CD1B: variants seen among roughly 807,000 people sequenced by gnomAD.
CD1B encodes CD1b molecule.
CD1B carries 43 observed loss-of-function variants against 39.8 expected under a neutral mutation model. The observed-to-expected ratio is 1.08, with a 90% confidence interval of 0.85 to 1.39. The LOEUF (loss-of-function observed/expected upper bound fraction) is 1.39. Among genes scored for constraint, CD1B ranks in the 40% most tolerant of loss-of-function variants. The probability of loss-of-function intolerance (pLI) is 0.00; values close to 1 mark genes in which losing one functional copy is unlikely to be tolerated. For missense variants in CD1B, 495 were observed against 403.8 expected (o/e 1.23, Z -1.94); for synonymous variants, 192 against 152.5 (o/e 1.26, Z -1.91).
downstream of CD1B, among the ~76,000 whole-genome samples, chr1:158,326,949 A>G (rs1652375215): frequency 6.6e-6 from 1 of 152,088 alleles, no homozygotes; most frequent in South Asian, 2.1e-4. Context: ...GCCATGCACC[A>G]CCATGCCCGG....
At chr1:158,321,613 G>C in the CD1B span, among the ~76,000 whole-genome samples, 2 of 152,024 alleles carry the variant, frequency 1.3e-5, no homozygotes, top group Non-Finnish European at 2.9e-5. Flanking sequence ...ATATCCTTTT[G>C]TGGTTAAGTG....
chr1:158,293,335 G>T, the CD1B span: 1 of 1,597,980 alleles, frequency 6.3e-7, no homozygotes, highest in Non-Finnish European at 8.6e-7. Context: ...TCTCCTCCCA[G>T]TTTCTTATTT....
At chr1:158,307,702 C>T in the CD1B span, among the ~76,000 whole-genome samples, 1 of 152,124 alleles carries the variant, frequency 6.6e-6, no homozygotes, top group Non-Finnish European at 1.5e-5. Context: ...ACTGGCAAAC[C>T]GAATTCAGCA....
At chr1:158,296,737 C>T in the CD1B span, among the ~76,000 whole-genome samples, 5 of 152,028 alleles carry the variant, frequency 3.3e-5, no homozygotes, top group South Asian at 4.1e-4. Context: ...GACAAAATAG[C>T]CATTTTAAGA....
At chr1:158,297,622 C>A in the CD1B span, among the ~76,000 whole-genome samples, 2 of 152,112 alleles carry the variant, frequency 1.3e-5, no homozygotes, top group African/African-American at 4.8e-5. Context: ...GAGCTAAACA[C>A]CCCAAGACAC....
In CD1B at chr1:158,329,020, A is replaced by G. The variant is rs780785712; in HGVS notation, c.887-6T>C. The G allele has an allele frequency of 6.2e-7, 1 of 1,608,212 alleles. No individual in the cohort carries two copies. Among genetic ancestry groups the G allele is most frequent in the African/African-American group, 1.3e-5 (1 of 74,654 alleles). ...GCCAATGGAGGTGGGGTTTCCTGGC[A>G]ATTGAGAGAGGACAAAAGGATGTCA... On this transcript the variant is annotated splice_polypyrimidine_tract_variant and splice_region_variant and intron_variant, in intron 4 of 5. Transcript: ENST00000368168.
At chr1:158,320,679 C>T in the CD1B span, among the ~76,000 whole-genome samples, 2 of 152,202 alleles carry the variant, frequency 1.3e-5, no homozygotes, top group African/African-American at 4.8e-5. Flanking sequence ...ATCTTGGCTC[C>T]TCCCCCTCCA....
chr1:158,329,035 A>C (rs1205920267), intron 4 of CD1B, 21 bp from the exon 5 acceptor site: 3 of 1,577,048 alleles, frequency 1.9e-6, no homozygotes, highest in African/African-American at 2.7e-5. Context: ...AGAGAGGACA[A>C]AAGGATGTCA....
At chr1:158,314,748 G>A in the CD1B span, among the ~76,000 whole-genome samples, 27 of 151,272 alleles carry the variant, frequency 1.8e-4, no homozygotes, top group African/African-American at 4.1e-4. Context: ...GCTGGTGCGC[G>A]GCACCCACTA....
At chr1:158,319,829 G>C in the CD1B span, among the ~76,000 whole-genome samples, 1 of 152,224 alleles carries the variant, frequency 6.6e-6, no homozygotes, top group Non-Finnish European at 1.5e-5. Context: ...GTGATGTACA[G>C]ATGAGTTTTT....
At chr1:158,319,819 G>T in the CD1B span, among the ~76,000 whole-genome samples, 1 of 152,294 alleles carries the variant, frequency 6.6e-6, no homozygotes, top group East Asian at 1.9e-4. Flanking sequence ...TTTGATGATG[G>T]TGATGTACAG....
downstream of CD1B, among the ~76,000 whole-genome samples, chr1:158,323,037 C>G (rs1015431043): frequency 2.6e-5 from 4 of 151,954 alleles, no homozygotes; most frequent in African/African-American, 9.7e-5. Flanking sequence ...CATCTTTTTC[C>G]AGGATTGTAA....
downstream of CD1B, among the ~76,000 whole-genome samples, chr1:158,326,582 A>C (rs1476179442): frequency 6.6e-6 from 1 of 152,282 alleles, no homozygotes; most frequent in Non-Finnish European, 1.5e-5. Flanking sequence ...AATGATATTA[A>C]GAAATCTTTT....
At chr1:158,309,991 A>T in the CD1B span, among the ~76,000 whole-genome samples, 1 of 151,938 alleles carries the variant, frequency 6.6e-6, no homozygotes, top group Non-Finnish European at 1.5e-5. Context: ...TAATAAAAAA[A>T]AAAGAGTCTG....
chr1:158,327,156 T>G (rs1652386162), downstream of CD1B, among the ~76,000 whole-genome samples: 1 of 152,192 alleles, frequency 6.6e-6, no homozygotes, highest in African/African-American at 2.4e-5. Context: ...GAGTGCAGAT[T>G]GGTCTATTTT....
intron 2 of CD1B, chr1:158,330,521 G>A (rs1366647014): frequency 1.6e-6 from 1 of 629,424 alleles, no homozygotes; most frequent in Admixed American, 2.2e-5. Context: ...GAGAAGTAAG[G>A]GCCCTTGAGG....
At chr1:158,328,468 T>C (rs2101711382) in intron 5 of CD1B, among the ~76,000 whole-genome samples, 1 of 152,316 alleles carries the variant, frequency 6.6e-6, no homozygotes, top group East Asian at 1.9e-4. Flanking sequence ...ACAATGAGGA[T>C]ATTACGCTAA....
At chr1:158,296,205 G>T in the CD1B span, among the ~76,000 whole-genome samples, 9 of 145,790 alleles carry the variant, frequency 6.2e-5, no homozygotes, top group African/African-American at 2.3e-4. Flanking sequence ...GAGTGTTGTT[G>T]CTAGTGGACT....
chr1:158,320,969 A>G, the CD1B span, among the ~76,000 whole-genome samples: 20 of 152,202 alleles, frequency 1.3e-4, no homozygotes, highest in Non-Finnish European at 2.4e-4. Flanking sequence ...GTGGAGAAGA[A>G]TGTATATTCT....
Sources: gnomAD v4.1 joint callset for allele counts (sites outside exome capture counted in the v4.1 genomes callset) on GRCh38, gnomAD v4.1.1 for gene constraint, MANE v1.5 for transcripts, NCBI Gene and HGNC (gene_info 2026-07-23, HGNC 2026-07-21) for gene names.